DAAM1: variants seen among roughly 807,000 people sequenced by gnomAD.
The protein encoded by DAAM1 is disheveled-associated activator of morphogenesis 1.
DAAM1 carries 52 observed loss-of-function variants against 130.0 expected under a neutral mutation model. That is an observed-to-expected ratio of 0.40 (90% CI 0.32 to 0.50). The LOEUF (loss-of-function observed/expected upper bound fraction) is 0.50, where lower values mean the gene tolerates loss of function less well. Ranked by LOEUF, DAAM1 falls within the 20% of genes least tolerant of loss-of-function variation. DAAM1 has a pLI of 0.61. For synonymous variants in DAAM1, 452 were observed against 444.5 expected (o/e 1.02, Z -0.21); for missense variants, 1,134 against 1,303.8 (o/e 0.87, Z 2.01).
At chr14:59,284,717 A>G (rs1228294235) in intron 2 of DAAM1, among the ~76,000 whole-genome samples, 3 of 152,156 alleles carry the variant, frequency 2.0e-5, no homozygotes, top group Admixed American at 6.6e-5. Context: ...TGAGGAAGGA[A>G]TCTCAGAGCT....
intron 1 of DAAM1, among the ~76,000 whole-genome samples, chr14:59,218,105 C>T (rs1177115410): frequency 6.6e-6 from 1 of 152,046 alleles, no homozygotes. Flanking sequence ...TGTACTTCAG[C>T]CTGGGTGACA....
intron 3 of DAAM1, among the ~76,000 whole-genome samples, chr14:59,309,064 A>C (rs1884476966): frequency 6.6e-6 from 1 of 152,238 alleles, no homozygotes; most frequent in African/African-American, 2.4e-5. Flanking sequence ...TCTTTTGGCA[A>C]GCTTCAGATA....
rs192967864 is a variant in DAAM1, at chr14:59,307,017, T to C, written c.274-8263T>C. ...GGAGCAGAGTATTAGTCATGCAGTG[T>C]GGCCTCTGCATTATACCTTTATAGA... On this transcript the variant is annotated intron_variant, in intron 3 of 24. Coordinates refer to ENST00000360909, the MANE Select transcript of DAAM1 (RefSeq NM_001270520.2). 3.3e-5 allele frequency among the ~76,000 whole-genome samples: 5 copies of C among 152,330 alleles called. No individual in the cohort carries two copies. In the East Asian group the frequency reaches 9.6e-4, roughly 29 times the overall value.
chr14:59,268,043 C>G (rs548206631), intron 2 of DAAM1, among the ~76,000 whole-genome samples: 7 of 152,054 alleles, frequency 4.6e-5, no homozygotes, highest in African/African-American at 1.7e-4. Flanking sequence ...GCTGGGACCA[C>G]AAGCACGCAC....
chr14:59,267,626 A>G (rs947856839), intron 2 of DAAM1, among the ~76,000 whole-genome samples: 3 of 152,180 alleles, frequency 2.0e-5, no homozygotes, highest in Admixed American at 6.6e-5. Context: ...ACTTTTAGCA[A>G]TCACCCTAGC....
At chr14:59,315,827 T>G (rs562863216) in intron 4 of DAAM1, among the ~76,000 whole-genome samples, 27 of 152,320 alleles carry the variant, frequency 1.8e-4, no homozygotes, top group African/African-American at 5.3e-4. Context: ...TTTACTCATA[T>G]AATAGATCAG....
chr14:59,320,329 C>G, intron 4 of DAAM1, among the ~76,000 whole-genome samples, 161 bp from the exon 5 acceptor site: 1 of 152,162 alleles, frequency 6.6e-6, no homozygotes, highest in East Asian at 1.9e-4. Flanking sequence ...CTAAACTTTT[C>G]CCTAAGGCTT....
chr14:59,322,773 TA>T, intron 5 of DAAM1, 118 bp from the exon 6 acceptor site: 1 of 786,144 alleles, frequency 1.3e-6, no homozygotes, highest in Non-Finnish European at 2.1e-6. Flanking sequence ...TTCATCAATG[TA>T]AGCCTTTTGG....
intron 15 of DAAM1, among the ~76,000 whole-genome samples, chr14:59,338,999 A>G (rs993679643): frequency 6.6e-6 from 1 of 152,244 alleles, no homozygotes; most frequent in African/African-American, 2.4e-5. Flanking sequence ...TGTTAAAAAC[A>G]GCAGTCTGAT....
chr14:59,325,526 T>G (rs1885173245), intron 8 of DAAM1, 138 bp from the exon 9 acceptor site: 2 of 721,638 alleles, frequency 2.8e-6, no homozygotes, highest in Non-Finnish European at 4.5e-6. Flanking sequence ...AAGTTGAAGC[T>G]TTCAAATTTT....
At chr14:59,196,091 G>A (rs557867959) in intron 1 of DAAM1, among the ~76,000 whole-genome samples, 1 of 152,168 alleles carries the variant, frequency 6.6e-6, no homozygotes. Context: ...TGAAGATTAG[G>A]TCAGGACTAG....
intron 22 of DAAM1, among the ~76,000 whole-genome samples, chr14:59,362,017 T>TC (rs1886722052): frequency 2.4e-5 from 3 of 126,746 alleles, no homozygotes; most frequent in South Asian, 2.6e-4. Flanking sequence ...GAGGTTTTTT[T>TC]CCTTTTTTTT....
chr14:59,327,557 G>A (rs981248719), intron 12 of DAAM1, among the ~76,000 whole-genome samples: 6 of 151,856 alleles, frequency 4.0e-5, no homozygotes, highest in African/African-American at 1.2e-4. Context: ...ACCGGCGCCC[G>A]CCATCACATC....
intron 1 of DAAM1, among the ~76,000 whole-genome samples, chr14:59,260,300 T>C (rs1882110101): frequency 1.3e-5 from 2 of 152,210 alleles, no homozygotes; most frequent in Admixed American, 6.5e-5. Context: ...ATTGTGAAAA[T>C]AGTATGTCTT....
intron 3 of DAAM1, among the ~76,000 whole-genome samples, chr14:59,309,523 C>T (rs1407338668): frequency 2.0e-5 from 3 of 152,126 alleles, no homozygotes; most frequent in Admixed American, 1.3e-4. Context: ...AACTATGGCC[C>T]GTGGGCTAAT....
intron 3 of DAAM1, among the ~76,000 whole-genome samples, chr14:59,306,179 G>A (rs933665711): frequency 6.6e-6 from 1 of 152,062 alleles, no homozygotes; most frequent in Non-Finnish European, 1.5e-5. Context: ...TATTGTTGGA[G>A]TAAACTTGGA....
chr14:59,328,395 A>G (rs1171440905), intron 12 of DAAM1, among the ~76,000 whole-genome samples: 1 of 152,240 alleles, frequency 6.6e-6, no homozygotes, highest in South Asian at 2.1e-4. Flanking sequence ...CAATGAGTGG[A>G]TATTTTAGGA....
At chr14:59,275,756 G>A (rs1281404368) in intron 2 of DAAM1, among the ~76,000 whole-genome samples, 2 of 152,120 alleles carry the variant, frequency 1.3e-5, no homozygotes, top group East Asian at 3.8e-4. Context: ...CTTAACCATT[G>A]GTAGTAAGAA....
intron 5 of DAAM1, among the ~76,000 whole-genome samples, chr14:59,322,565 A>G (rs957683433): frequency 6.6e-6 from 1 of 152,088 alleles, no homozygotes; most frequent in Non-Finnish European, 1.5e-5. Context: ...CAGGAACAGC[A>G]GATGGTTTTA....
Sources: gnomAD v4.1 joint callset for allele counts (sites outside exome capture counted in the v4.1 genomes callset) on GRCh38, gnomAD v4.1.1 for gene constraint, MANE v1.5 for transcripts, NCBI Gene and HGNC (gene_info 2026-07-23, HGNC 2026-07-21) for gene names.